The following MCF2L2 variants were observed in gnomAD, a reference collection of about 807,000 sequenced individuals.
MCF2L2 encodes probable guanine nucleotide exchange factor MCF2L2.
In MCF2L2, 102 loss-of-function variants were observed where a neutral mutation model predicts 150.2. That is an observed-to-expected ratio of 0.68 (90% confidence interval 0.58 to 0.80). The LOEUF (loss-of-function observed/expected upper bound fraction) is 0.80, where lower values mean the gene tolerates loss of function less well. Among genes scored for constraint, MCF2L2 ranks in the 30% least tolerant of loss-of-function variants. The pLI, the probability that MCF2L2 is intolerant of heterozygous loss-of-function variation, is 0.00. For missense variants in MCF2L2, 1,256 were observed against 1,372.8 expected (o/e 0.91, Z 1.34); for synonymous variants, 465 against 491.3 (o/e 0.95, Z 0.71).
Position 183,178,714 on chromosome 3 carries a change from A to C in MCF2L2, c.*666T>G, listed in dbSNP as rs1383193070. 1 of 152,248 alleles carries C rather than the reference A, an allele frequency of 6.6e-6. No homozygotes were observed. Among genetic ancestry groups the C allele is most frequent in the Non-Finnish European group, 1.5e-5 (1 of 68,036 alleles). The allele number at this position is 152,248 out of a possible 1,614,324, so 9.4% of individuals were successfully genotyped here. ...CTGAAACTAACAAAACTCATTTAAA[A>C]ACTAATAAATCGATACATAAAATAC... is the stretch of plus-strand genomic sequence containing the variant. On this transcript the variant is annotated 3_prime_UTR_variant, in exon 30 of 30. Transcript: ENST00000328913.
intron 2 of MCF2L2, 104 bp downstream of exon 2, chr3:183,389,592 T>G (rs1577115391): frequency 1.1e-6 from 1 of 943,520 alleles, no homozygotes; most frequent in Admixed American, 1.9e-5. Flanking sequence ...GCCTAAGGGG[T>G]GAGTGAGATT....
chr3:183,270,196 C>T lies in MCF2L2; in HGVS notation c.1862+6676G>A. On this transcript the variant is annotated intron_variant, in intron 15 of 29. Transcript: ENST00000328913. This position sits in a 1 kb window ranked among gnomAD's most constrained non-coding sequence, Gnocchi z 4.5. ...ATCAAAACTCTGTTTGCCTTAGGAA[C>T]TCCTAATCCACTGGAGGGAGAAGAA... 1.2e-6 allele frequency: 2 copies of T among 1,614,164 alleles called. No individual in the cohort carries two copies. Among genetic ancestry groups the T allele is most frequent in the Non-Finnish European group, 8.5e-7 (1 of 1,180,026 alleles).
intron 3 of MCF2L2, among the ~76,000 whole-genome samples, chr3:183,371,521 G>A (rs1449630892): frequency 6.9e-6 from 1 of 145,312 alleles, no homozygotes; most frequent in Non-Finnish European, 1.5e-5. Flanking sequence ...AGGCTGTAGT[G>A]CAGTGGGGTG....
At position 183,195,062 on chromosome 3, in the gene MCF2L2, C is replaced by T. The variant is rs867139444; in HGVS notation, c.2918+160G>A. Among the ~76,000 whole-genome samples the T allele has an allele frequency of 9.9e-4, 150 of 152,230 alleles. 3 individuals carry two copies. The highest frequency in any genetic ancestry group is 3.4e-3 in the Middle Eastern group (1 of 294). On this transcript the variant is annotated intron_variant, in intron 26 of 29. Transcript: ENST00000328913. Reference sequence around the variant, plus strand: ...CCTCCCAAAGTGCTGAGATTACAGGCGTGAGCCACTGCGCCCAGCCAATAT... The same window carrying T: ...CCTCCCAAAGTGCTGAGATTACAGGTGTGAGCCACTGCGCCCAGCCAATAT...
At chr3:183,186,032 A>G (rs1390687234) in intron 27 of MCF2L2, among the ~76,000 whole-genome samples, 2 of 152,010 alleles carry the variant, frequency 1.3e-5, no homozygotes, top group Non-Finnish European at 2.9e-5. Flanking sequence ...GGTCAAAGAA[A>G]CTTTATAACC....
intron 3 of MCF2L2, among the ~76,000 whole-genome samples, chr3:183,357,102 T>C (rs1256463448): frequency 6.6e-6 from 1 of 152,038 alleles, no homozygotes; most frequent in East Asian, 1.9e-4. Flanking sequence ...GATTTGAAGT[T>C]TATCAAAAAT....
At chr3:183,418,089 G>A (rs1014173233) in intron 1 of MCF2L2, among the ~76,000 whole-genome samples, 46 of 152,304 alleles carry the variant, frequency 3.0e-4, no homozygotes, top group Non-Finnish European at 8.8e-5. Context: ...TTGGGAGGCT[G>A]AGGCAGAAGA....
intron 21 of MCF2L2, among the ~76,000 whole-genome samples, chr3:183,218,633 CAAAAAAAT>C (rs1479794358): frequency 6.6e-6 from 1 of 151,438 alleles, no homozygotes; most frequent in Admixed American, 6.6e-5. Flanking sequence ...GACTCTGTCT[CAAAAAAAT>C]AAAAAAATAA....
Position 183,180,163 on chromosome 3 carries a change from A to T in MCF2L2, c.3017-4T>A. 6.3e-7 allele frequency: 1 copy of T among 1,593,800 alleles called. No individual in the cohort carries two copies. Among genetic ancestry groups the T allele is most frequent in the South Asian group, 1.1e-5 (1 of 90,704 alleles). On this transcript the variant is annotated splice_region_variant and splice_polypyrimidine_tract_variant and intron_variant, in intron 27 of 29. Coordinates refer to ENST00000328913, the MANE Select transcript of MCF2L2 (RefSeq NM_015078.4). ...CTAAACTCCCTGCTGGAGCAGCCTTAGGGAGAGAAAGGGAAGGATGGGGCC... is the reference window on the plus strand; with the variant it reads ...CTAAACTCCCTGCTGGAGCAGCCTTTGGGAGAGAAAGGGAAGGATGGGGCC...
intron 1 of MCF2L2, among the ~76,000 whole-genome samples, chr3:183,406,592 G>A (rs1715056242): frequency 6.6e-6 from 1 of 152,048 alleles, no homozygotes; most frequent in African/African-American, 2.4e-5. Flanking sequence ...GGGTCCAAGC[G>A]ATTCTCCTGC....
intron 3 of MCF2L2, among the ~76,000 whole-genome samples, chr3:183,368,874 T>C (rs983675799): frequency 1.3e-5 from 2 of 152,236 alleles, no homozygotes; most frequent in Non-Finnish European, 2.9e-5. Context: ...CATTACTAAA[T>C]TTGATGCCAT....
chr3:183,311,529 T>C, intron 8 of MCF2L2, 119 bp downstream of exon 8: 1 of 1,121,338 alleles, frequency 8.9e-7, no homozygotes, highest in South Asian at 1.6e-5. Flanking sequence ...TCAAATATTC[T>C]TCTTCCTTGG....
intron 3 of MCF2L2, among the ~76,000 whole-genome samples, chr3:183,345,392 C>G (rs528600113): frequency 6.6e-6 from 1 of 151,936 alleles, no homozygotes; most frequent in South Asian, 2.1e-4. Context: ...ACACAATGTA[C>G]CAGAATCTCT....
intron 1 of MCF2L2, among the ~76,000 whole-genome samples, chr3:183,415,467 G>T (rs1018880234): frequency 2.0e-5 from 3 of 152,148 alleles, no homozygotes; most frequent in Admixed American, 6.6e-5. Flanking sequence ...GATTACAGGC[G>T]TCAGCCACCG....
Position 183,285,839 on chromosome 3 carries a change from G to A in MCF2L2, c.1776+3281C>T, listed in dbSNP as rs540885323. Among the ~76,000 whole-genome samples the A allele has an allele frequency of 4.0e-4, 61 of 152,162 alleles. No homozygotes were observed. In the East Asian group the frequency reaches 7.5e-3, roughly 19 times the overall value. On this transcript the variant is annotated intron_variant, in intron 14 of 29. Coordinates refer to ENST00000328913, the MANE Select transcript of MCF2L2 (RefSeq NM_015078.4). ...TCTTAATTCTGTAGGTCCACATTTA[G>A]GAAAAAGAAATTGTCAGCCTCTGAC... is the stretch of plus-strand genomic sequence containing the variant.
Position 183,276,949 on chromosome 3 carries a change from T to C in MCF2L2, c.1785A>G (p.Glu595=), listed in dbSNP as rs1727193156. 1 of 1,605,546 alleles carries C rather than the reference T, an allele frequency of 6.2e-7. No individual in the cohort carries two copies. Among genetic ancestry groups the C allele is most frequent in the Non-Finnish European group, 8.5e-7 (1 of 1,175,074 alleles). Residue 595 remains glutamate, a synonymous_variant, in exon 15 of 30, where the codon GAA becomes GAG. Transcript: ENST00000328913. ...DETKFEVKSE[E]IFESHHERGN... ...CCCTTTCATGATGGCTTTCAAAGAT[T>C]TCTTCACTCTGAAGTGAAAGAAATT...
At chr3:183,190,442 T>C (rs1721843234) in intron 27 of MCF2L2, among the ~76,000 whole-genome samples, 1 of 152,198 alleles carries the variant, frequency 6.6e-6, no homozygotes, top group Non-Finnish European at 1.5e-5. Context: ...TGCAAATGTG[T>C]TATTGAAAAA....
At chr3:183,245,216 TTAAC>T (rs1321171029) in intron 15 of MCF2L2, among the ~76,000 whole-genome samples, 1 of 152,194 alleles carries the variant, frequency 6.6e-6, no homozygotes, top group Admixed American at 6.5e-5. Flanking sequence ...GCAACCCTGA[TTAAC>T]TAACAGTTAA....
At chr3:183,276,763 T>C in intron 15 of MCF2L2, 109 bp downstream of exon 15, 2 of 732,668 alleles carry the variant, frequency 2.7e-6, no homozygotes, top group Admixed American at 5.4e-5. Flanking sequence ...AGGATAAATA[T>C]TATGATTCTT....
Sources: gnomAD v4.1 joint callset for allele counts (sites outside exome capture counted in the v4.1 genomes callset) on GRCh38, gnomAD v4.1.1 for gene constraint, Gnocchi (gnomAD v3.1) non-coding constraint, MANE v1.5 for transcripts, NCBI Gene and HGNC (gene_info 2026-07-23, HGNC 2026-07-21) for gene names.